SPEN: variants seen among roughly 807,000 people sequenced by gnomAD.
The protein encoded by SPEN is spen family transcriptional repressor.
SPEN carries 18 observed loss-of-function variants against 269.9 expected under a neutral mutation model. The observed-to-expected ratio is 0.07, with a 90% CI of 0.05 to 0.10. SPEN has a LOEUF of 0.10. SPEN is among the 10% of genes least tolerant of loss of function. SPEN has a pLI of 1.00. For synonymous variants in SPEN, 1,726 were observed against 1,765.7 expected (o/e 0.98, Z 0.56); for missense variants, 3,822 against 4,631.2 (o/e 0.83, Z 5.07).
In SPEN at chr1:15,931,361, C is replaced by A; in HGVS notation, c.5121C>A (p.Asp1707Glu). ...AAGTAGACCTGCCCCCAGGAGCAGA[C>A]CCCGATAAAGAAGCTGCCATGATGC... is the stretch of plus-strand genomic sequence containing the variant. ...LEQVDLPPGA[D>E]PDKEAAMMPA... Residue 1707 changes from aspartate to glutamate, a missense_variant, in exon 11 of 15, where the codon GAC (aspartate) becomes GAA (glutamate). By Grantham distance (45) the Asp-to-Glu change is conservative. This residue lies in a region of SPEN where 533 missense variants were observed against 618.8 expected (regional missense o/e 0.86). Coordinates refer to ENST00000375759, the MANE Select transcript of SPEN (RefSeq NM_015001.3). The surrounding 1 kb of genome is among the most constrained non-coding windows in gnomAD (Gnocchi z 4.8). The A allele has an allele frequency of 6.2e-7, 1 of 1,614,168 alleles. No homozygotes were observed. Among genetic ancestry groups the A allele is most frequent in the Non-Finnish European group, 8.5e-7 (1 of 1,180,030 alleles).
chr1:15,891,532 G>T (rs1023785622), intron 3 of SPEN, among the ~76,000 whole-genome samples: 2 of 150,820 alleles, frequency 1.3e-5, no homozygotes, highest in Non-Finnish European at 3.0e-5. Context: ...TTGTATTTTT[G>T]GTAGAGATGG....
At chr1:15,882,946 AG>A (rs748521377) in intron 3 of SPEN, among the ~76,000 whole-genome samples, 9 of 152,156 alleles carry the variant, frequency 5.9e-5, no homozygotes, top group Non-Finnish European at 1.3e-4. Context: ...TCATGGGGCT[AG>A]GATGAAGTTT....
chr1:15,931,562 C>T lies in SPEN; in HGVS notation c.5322C>T (p.Ala1774=), dbSNP rs774087395. 2.0e-5 allele frequency: 33 copies of T among 1,614,010 alleles called. No homozygotes were observed. Among genetic ancestry groups the T allele is most frequent in the Middle Eastern group, 1.6e-4 (1 of 6,084 alleles). Residue 1774 remains alanine (A), a synonymous_variant, in exon 11 of 15, where the codon GCC becomes GCT. Coordinates refer to ENST00000375759, the MANE Select transcript of SPEN (RefSeq NM_015001.3). The surrounding 1 kb of genome is among the most constrained non-coding windows in gnomAD (Gnocchi z 4.8). ...QKSEEANEPK[A]EKPDATADAE... ...CTGAGGAAGCCAATGAGCCAAAGGC[C>T]GAAAAGCCAGACGCCACTGCAGATG...
chr1:15,889,490 G>C lies in SPEN; in HGVS notation c.881+12812G>C, dbSNP rs149185417. Reference sequence around the variant, plus strand: ...CAACATTAGCATTTCCTGGAGTTCAGAATTAGCTGAGGTTTTATTCTTTAT... The same window carrying C: ...CAACATTAGCATTTCCTGGAGTTCACAATTAGCTGAGGTTTTATTCTTTAT... On this transcript the variant is annotated intron_variant, in intron 3 of 14. Transcript: ENST00000375759. 1.2e-4 allele frequency among the ~76,000 whole-genome samples: 18 copies of C among 151,632 alleles called. No homozygotes were observed. The East Asian group carries it at 3.1e-3, about 26-fold the overall frequency.
Position 15,934,112 on chromosome 1 carries a change from G to C in SPEN, c.7872G>C (p.Arg2624=). 1 of 1,613,712 alleles carries C rather than the reference G, an allele frequency of 6.2e-7. No homozygotes were observed. Residue 2624 remains arginine (R), a synonymous_variant, in exon 11 of 15, where the codon CGG becomes CGC. Coordinates refer to ENST00000375759, the MANE Select transcript of SPEN (RefSeq NM_015001.3). This position sits in a 1 kb window ranked among gnomAD's most constrained non-coding sequence, Gnocchi z 9.2. ...CCAAAATTACCTCTGTTATTAGCCG[G>C]ATGCCTGTCAGCATTGACCTGGAAA... ...IAPKITSVIS[R]MPVSIDLENS...
chr1:15,920,254 A>G (rs980460713), intron 8 of SPEN, among the ~76,000 whole-genome samples: 2 of 152,180 alleles, frequency 1.3e-5, no homozygotes, highest in Non-Finnish European at 2.9e-5. Context: ...TTTTTAGTAC[A>G]GATGGGGTTT....
At chr1:15,888,792 C>T (rs556529091) in intron 3 of SPEN, among the ~76,000 whole-genome samples, 483 of 151,910 alleles carry the variant, frequency 3.2e-3, no homozygotes, top group Middle Eastern at 0.01. Context: ...CCACCATGCC[C>T]AGCTAATTTT....
At chr1:15,922,178 A>G in intron 9 of SPEN, 71 bp from the exon 10 acceptor site, 3 of 1,193,818 alleles carry the variant, frequency 2.5e-6, no homozygotes, top group Non-Finnish European at 3.6e-6. Context: ...TGAAGAATTT[A>G]CAAATCTGAT....
intron 1 of SPEN, among the ~76,000 whole-genome samples, chr1:15,857,363 C>T (rs1253918239): frequency 2.0e-5 from 3 of 151,486 alleles, no homozygotes; most frequent in African/African-American, 7.3e-5. Context: ...CTGCACCCAG[C>T]CTTTTTTTTT....
At chr1:15,883,763 A>G (rs2070710522) in intron 3 of SPEN, among the ~76,000 whole-genome samples, 1 of 148,758 alleles carries the variant, frequency 6.7e-6, no homozygotes, top group Non-Finnish European at 1.5e-5. Context: ...AAAGTTATCT[A>G]TAACCCTATT....
chr1:15,934,949 G>A lies in SPEN; in HGVS notation c.8709G>A (p.Lys2903=). Residue 2903 remains lysine, a synonymous_variant, in exon 11 of 15, where the codon AAG becomes AAA. Transcript: ENST00000375759. This position sits in a 1 kb window ranked among gnomAD's most constrained non-coding sequence, Gnocchi z 9.2. ...CCTCTCCTGTGATTTCGTCTGTGAA[G>A]GCCGATAGGCCATCCTTGGAGAAGC... is the stretch of plus-strand genomic sequence containing the variant. ...YNASPVISSV[K]ADRPSLEKPE... The A allele has an allele frequency of 6.2e-7, 1 of 1,614,044 alleles. No individual in the cohort carries two copies. Among genetic ancestry groups the A allele is most frequent in the Non-Finnish European group, 8.5e-7 (1 of 1,180,020 alleles).
At chr1:15,904,923 T>C (rs1337160260) in intron 3 of SPEN, among the ~76,000 whole-genome samples, 1 of 151,622 alleles carries the variant, frequency 6.6e-6, no homozygotes, top group East Asian at 1.9e-4. Context: ...AGTTTCGCCC[T>C]TATTGCCCAG....
chr1:15,917,493 G>A (rs976787620), intron 6 of SPEN, among the ~76,000 whole-genome samples: 6 of 152,068 alleles, frequency 3.9e-5, no homozygotes, highest in Non-Finnish European at 5.9e-5. Context: ...GGGTTCAAGC[G>A]ATTCTCCTGC....
In SPEN at chr1:15,930,202, C is replaced by T. The variant is rs2148739152; in HGVS notation, c.3962C>T (p.Ala1321Val). ...GATTCTAGCAGGAGAGAACAGATGG[C>T]AGATATGGCCAAAATAAAACTATCT... ...PYDSSRREQM[A>V]DMAKIKLSVL... The change falls in exon 11 of 15, where the codon GCA (alanine) becomes GTA (valine). Residue 1321 changes from alanine (A) to valine (V), a missense_variant. Physicochemically the swap from Ala to Val is moderately conservative, Grantham distance 64. Coordinates refer to ENST00000375759, the MANE Select transcript of SPEN (RefSeq NM_015001.3). The surrounding 1 kb of genome is among the most constrained non-coding windows in gnomAD (Gnocchi z 5.3). The T allele has an allele frequency of 1.9e-6, 3 of 1,614,048 alleles. No homozygotes were observed. The highest frequency in any genetic ancestry group is 2.5e-6 in the Non-Finnish European group (3 of 1,179,994).
intron 8 of SPEN, 65 bp from the exon 9 acceptor site, chr1:15,920,805 G>T (rs182894336): frequency 1.3e-6 from 1 of 774,910 alleles, no homozygotes; most frequent in African/African-American, 1.8e-5. Context: ...TTAGGATTTT[G>T]TTGGGACTGA....
chr1:15,933,342 G>A lies in SPEN; in HGVS notation c.7102G>A (p.Ala2368Thr), dbSNP rs2071241285. The A allele has an allele frequency of 1.2e-6, 2 of 1,614,034 alleles. No individual in the cohort carries two copies. Among genetic ancestry groups the A allele is most frequent in the Non-Finnish European group, 8.5e-7 (1 of 1,180,028 alleles). Reference sequence around the variant, plus strand: ...CAACCAAGCTCAAGGTGAGAGTCCTGCTGCAAATGAGGGGACAACAGTACA... The same window carrying A: ...CAACCAAGCTCAAGGTGAGAGTCCTACTGCAAATGAGGGGACAACAGTACA... ...ESNQAQGESP[A>T]ANEGTTVQHP... The change falls in exon 11 of 15, where the codon GCT (alanine) becomes ACT (threonine). Residue 2368 changes from alanine (A) to threonine (T), a missense_variant. By Grantham distance (58) the Ala-to-Thr change is moderately conservative (BLOSUM62 0). Coordinates refer to ENST00000375759, the MANE Select transcript of SPEN (RefSeq NM_015001.3). This position sits in a 1 kb window ranked among gnomAD's most constrained non-coding sequence, Gnocchi z 5.7.
intron 1 of SPEN, among the ~76,000 whole-genome samples, chr1:15,854,176 T>C (rs2070363426): frequency 6.6e-6 from 1 of 152,170 alleles, no homozygotes. Flanking sequence ...TTAGAGTAAA[T>C]AATGTAGTCT....
intron 1 of SPEN, among the ~76,000 whole-genome samples, chr1:15,856,291 G>A (rs1050636883): frequency 6.6e-6 from 1 of 151,808 alleles, no homozygotes; most frequent in Non-Finnish European, 1.5e-5. Context: ...TGCCCGGCCA[G>A]ATGTTAGAAT....
chr1:15,896,581 C>T (rs2070844540), intron 3 of SPEN, among the ~76,000 whole-genome samples: 1 of 152,094 alleles, frequency 6.6e-6, no homozygotes, highest in African/African-American at 2.4e-5. Context: ...TAAGTGGAGC[C>T]AGTACCTGCC....
Sources: allele counts gnomAD v4.1 joint callset (sites outside exome capture counted in the v4.1 genomes callset), GRCh38; gene constraint gnomAD v4.1.1; regional missense constraint gnomAD v4.1.1; non-coding constraint Gnocchi (gnomAD v3.1); transcripts MANE v1.5; gene names NCBI Gene and HGNC (gene_info 2026-07-23, HGNC 2026-07-21).